FBXO6: variants seen among roughly 807,000 people sequenced by gnomAD.
FBXO6 encodes the protein F-box only protein 6.
Under a neutral mutation model 25.0 loss-of-function variants are expected in FBXO6, and 13 were observed. The ratio of observed to expected loss-of-function variants is 0.52; its 90% confidence interval spans 0.34 to 0.83. The LOEUF is 0.83. Among genes scored for constraint, FBXO6 ranks in the 40% least tolerant of loss-of-function variants. The pLI is 0.02. For synonymous variants in FBXO6, 138 were observed against 155.3 expected (o/e 0.89, Z 0.83); for missense variants, 370 against 380.2 (o/e 0.97, Z 0.22).
At chr1:11,671,474 C>T in intron 3 of FBXO6, 82 bp downstream of exon 3, 3 of 1,567,324 alleles carry the variant, frequency 1.9e-6, no homozygotes, top group South Asian at 2.3e-5. Flanking sequence ...GCAAAGTCTT[C>T]CTAAGGGAAG....
Position 11,674,079 on chromosome 1 carries a change from T to G in FBXO6, c.*228T>G, listed in dbSNP as rs1157259943. ...CAGCACTTTGGGAGACCGAGGCAGG[T>G]GGATCACGAGGTCAGGAGATAGAGA... On this transcript the variant is annotated 3_prime_UTR_variant, in exon 6 of 6. Transcript: ENST00000376753. The surrounding 1 kb of genome is among the most constrained non-coding windows in gnomAD (Gnocchi z 6.1). The G allele has an allele frequency of 1.2e-5, 6 of 496,220 alleles. No individual in the cohort carries two copies. The highest frequency in any genetic ancestry group is 3.2e-5 in the Admixed American group (1 of 30,770). The allele number at this position is 496,220 out of a possible 1,614,324, so 30.7% of individuals were successfully genotyped here. A position where few individuals can be genotyped will look rare whatever the true frequency, so the allele number is the denominator to read the frequency against.
intron 1 of FBXO6, among the ~76,000 whole-genome samples, chr1:11,666,003 A>AT (rs61697438): frequency 0.6 from 72,626 of 121,530 alleles, 19,419 homozygotes; most frequent in African/African-American, 0.69. Context: ...TTTTTTTGTT[A>AT]TTTTTTTTTT....
intron 2 of FBXO6, 80 bp downstream of exon 2, chr1:11,669,024 C>G (rs894019049): frequency 1.3e-5 from 20 of 1,527,192 alleles, no homozygotes; most frequent in Non-Finnish European, 1.6e-5. Context: ...AATTCCCACA[C>G]TACCTGGAAT....
intron 1 of FBXO6, among the ~76,000 whole-genome samples, chr1:11,667,166 A>G (rs1640463756): frequency 6.6e-6 from 1 of 151,914 alleles, no homozygotes; most frequent in South Asian, 2.1e-4. Context: ...GGAAGAAAAA[A>G]AAAAAGAGGC....
chr1:11,672,198 C>T (rs550968313), intron 4 of FBXO6, 175 bp downstream of exon 4: 14 of 608,328 alleles, frequency 2.3e-5, no homozygotes, highest in Non-Finnish European at 4.1e-5. Flanking sequence ...TCCTGGCCTC[C>T]CCACCACCCT....
intron 1 of FBXO6, among the ~76,000 whole-genome samples, chr1:11,665,215 C>CTT (rs541103021): frequency 0.091 from 5,578 of 61,588 alleles, 1,351 homozygotes; most frequent in African/African-American, 0.17. Context: ...TAGCTAATTT[C>CTT]TTTTTTTTTT....
rs1326914551 is a variant in FBXO6 at position 11,668,864 on chromosome 1, A to T, written c.206A>T (p.Asp69Val). ...LREGFITKDW[D>V]QPVADWKIFY... ...GAGGGCTTCATCACCAAGGACTGGG[A>T]CCAGCCCGTGGCCGACTGGAAAATC... is the stretch of plus-strand genomic sequence containing the variant. Residue 69 changes from aspartate (D) to valine (V), a missense_variant, in exon 2 of 6, where the codon GAC becomes GTC. Transcript: ENST00000376753. The T allele has an allele frequency of 3.7e-6, 6 of 1,613,998 alleles. No individual in the cohort carries two copies. In the African/African-American group the frequency reaches 8.0e-5, roughly 22 times the overall value.
chr1:11,665,381 G>A (rs1053874751), intron 1 of FBXO6, among the ~76,000 whole-genome samples: 2 of 144,702 alleles, frequency 1.4e-5, no homozygotes, highest in Non-Finnish European at 3.0e-5. Context: ...CCTGCTTCTC[G>A]AGTAGCTGGG....
rs1640527392 is a variant in FBXO6, at chr1:11,668,943, AG to A, written c.286+1del. The A allele has an allele frequency of 6.2e-7, 1 of 1,613,022 alleles. No individual in the cohort carries two copies. Among genetic ancestry groups the A allele is most frequent in the Admixed American group, 1.7e-5 (1 of 59,998 alleles). On this transcript the variant is annotated frameshift_variant and splice_region_variant, in exon 2 of 6. Coordinates refer to ENST00000376753, the MANE Select transcript of FBXO6 (RefSeq NM_018438.6). LOFTEE classifies it high-confidence loss of function. ...ACCTCCTGCGCAACCCGTGTGCTGAAGGTGGCATGGGGGCAGGGTGGAGGCT... is the reference window on the plus strand; with the variant it reads ...ACCTCCTGCGCAACCCGTGTGCTGAAGTGGCATGGGGGCAGGGTGGAGGCT... ...RNLLRNPCAE[E>X]DMFAWQIDFN...
Position 11,673,813 on chromosome 1 carries a change from GC to G in FBXO6, c.847del (p.Gln283AsnfsTer78), listed in dbSNP as rs763892895. The G allele has an allele frequency of 6.2e-7, 1 of 1,614,120 alleles. No individual in the cohort carries two copies. Among genetic ancestry groups the G allele is most frequent in the South Asian group, 1.1e-5 (1 of 91,086 alleles). ...PGQKHGQEEA[A>X]QSPYRAVVQI... is the part of the protein sequence containing the mutation. ...GCAGAAGCATGGACAGGAGGAGGCT[GC>G]CCAATCGCCCTACCGAGCTGTTGTC... is the stretch of plus-strand genomic sequence containing the variant. On this transcript the variant is annotated frameshift_variant, in exon 6 of 6. Transcript: ENST00000376753. LOFTEE classifies it low-confidence loss of function (END_TRUNC). The surrounding 1 kb of genome is among the most constrained non-coding windows in gnomAD (Gnocchi z 4.3).
chr1:11,669,080 A>T, intron 2 of FBXO6, 136 bp downstream of exon 2: 1 of 1,206,770 alleles, frequency 8.3e-7, no homozygotes, highest in Non-Finnish European at 1.1e-6. Flanking sequence ...GTTCCTTCTC[A>T]TTCTTCAGGT....
In FBXO6 at chr1:11,670,437, G is replaced by C. The variant is rs982242566; in HGVS notation, c.287-829G>C. Among the ~76,000 whole-genome samples the C allele has an allele frequency of 2.6e-5, 4 of 151,898 alleles. No homozygotes were observed. The South Asian group carries it at 6.2e-4, about 24-fold the overall frequency. ...CTTGCCCTGGGCAGAGGCCATCTGA[G>C]CCCTATGGGAATCTTGGTTCCCATG... On this transcript the variant is annotated intron_variant, in intron 2 of 5. Transcript: ENST00000376753.
chr1:11,673,610 A>C lies in FBXO6; in HGVS notation c.646-5A>C. 6.2e-7 allele frequency: 1 copy of C among 1,611,232 alleles called. No individual in the cohort carries two copies. The highest frequency in any genetic ancestry group is 8.5e-7 in the Non-Finnish European group (1 of 1,178,144). ...TGGTCACTTCCTCTCCCTTCCTCCC[A>C]ACAGGTCTCCTACACCTTCTCAGAC... is the stretch of plus-strand genomic sequence containing the variant. On this transcript the variant is annotated splice_polypyrimidine_tract_variant and splice_region_variant and intron_variant, in intron 5 of 5. Transcript: ENST00000376753. This position sits in a 1 kb window ranked among gnomAD's most constrained non-coding sequence, Gnocchi z 4.3.
In FBXO6 at chr1:11,667,617, T is replaced by G. The variant is rs2100687709; in HGVS notation, c.-3-1039T>G. Reference sequence around the variant, plus strand: ...CCATCTGATTTTTTTTTTCCGGCCATCTCCAAGTGGATTCTGGCCTGACAC... The same window carrying G: ...CCATCTGATTTTTTTTTTCCGGCCAGCTCCAAGTGGATTCTGGCCTGACAC... On this transcript the variant is annotated intron_variant, in intron 1 of 5. Coordinates refer to ENST00000376753, the MANE Select transcript of FBXO6 (RefSeq NM_018438.6). 4.0e-5 allele frequency among the ~76,000 whole-genome samples: 6 copies of G among 151,582 alleles called. 1 individual carries two copies. The South Asian group carries it at 1.3e-3, about 32-fold the overall frequency.
chr1:11,665,490 C>CGTG (rs760642087), intron 1 of FBXO6, among the ~76,000 whole-genome samples: 2 of 150,358 alleles, frequency 1.3e-5, no homozygotes, highest in Non-Finnish European at 3.0e-5. Context: ...CTCCTAACCT[C>CGTG]GTGATCCGCC....
intron 2 of FBXO6, among the ~76,000 whole-genome samples, chr1:11,670,212 CAAA>C (rs767314286): frequency 2.7e-5 from 3 of 111,648 alleles, no homozygotes; most frequent in Admixed American, 9.3e-5. Flanking sequence ...GACTCCGTCT[CAAA>C]AAAAAAAAAA....
At chr1:11,665,102 T>A (rs1192912746) in intron 1 of FBXO6, among the ~76,000 whole-genome samples, 1 of 151,762 alleles carries the variant, frequency 6.6e-6, no homozygotes, top group Non-Finnish European at 1.5e-5. Context: ...TGGAGTGCAG[T>A]GGCATGATCA....
intron 1 of FBXO6, among the ~76,000 whole-genome samples, chr1:11,665,578 T>TTTTTTTTTTA (rs1640407002): frequency 2.4e-5 from 3 of 122,656 alleles, no homozygotes; most frequent in Admixed American, 8.3e-5. Flanking sequence ...TTTTTTTTTT[T>TTTTTTTTTTA]GAGACAGATT....
intron 2 of FBXO6, among the ~76,000 whole-genome samples, chr1:11,670,984 T>C (rs576180706): frequency 2.6e-5 from 4 of 152,128 alleles, no homozygotes; most frequent in African/African-American, 9.6e-5. Flanking sequence ...GTGAGGACAG[T>C]TGGGAATGTG....
Sources: allele counts gnomAD v4.1 joint callset (sites outside exome capture counted in the v4.1 genomes callset), GRCh38; gene constraint gnomAD v4.1.1; non-coding constraint Gnocchi (gnomAD v3.1); transcripts MANE v1.5; gene names NCBI Gene and HGNC (gene_info 2026-07-23, HGNC 2026-07-21).